TENM2: variants seen among roughly 807,000 people sequenced by gnomAD.
TENM2 encodes the protein teneurin transmembrane protein 2, also known as teneurin-2.
TENM2 carries 52 observed loss-of-function variants against 245.2 expected under a neutral mutation model. The ratio of observed to expected loss-of-function variants is 0.21; its 90% CI spans 0.17 to 0.27. TENM2 has a LOEUF of 0.27. Among genes scored for constraint, TENM2 ranks in the 10% least tolerant of loss-of-function variants. The pLI, the probability that TENM2 is intolerant of heterozygous loss-of-function variation, is 1.00. For synonymous variants in TENM2, 1,363 were observed against 1,438.9 expected (o/e 0.95, Z 1.19); for missense variants, 3,046 against 3,666.8 (o/e 0.83, Z 4.37).
Position 168,035,079 on chromosome 5 carries a change from CA to C in TENM2, c.1187-12340del, listed in dbSNP as rs568444668. On this transcript the variant is annotated intron_variant, in intron 5 of 28. Transcript: ENST00000518659. The stretch of plus-strand genomic sequence containing the variant: ...CAAACCAGATTTTGAAGACTTAGTG[CA>C]AAAAAAATCTTTTTACTGTCTCATT... Among the ~76,000 whole-genome samples, 10 of 151,644 alleles carry C rather than the reference CA, an allele frequency of 6.6e-5. No individual in the cohort carries two copies. In the East Asian group the frequency reaches 1.2e-3, roughly 18 times the overall value.
intron 1 of TENM2, among the ~76,000 whole-genome samples, chr5:167,320,792 G>A (rs1226582669): frequency 6.6e-6 from 1 of 152,106 alleles, no homozygotes; most frequent in Non-Finnish European, 1.5e-5. Context: ...ATAAATTTCT[G>A]CTCATTATAA....
chr5:167,152,497 C>T, the TENM2 span, among the ~76,000 whole-genome samples: 1 of 152,206 alleles, frequency 6.6e-6, no homozygotes, highest in Admixed American at 6.5e-5. Context: ...AATAGTTCTA[C>T]AATTTCTTAG....
intron 2 of TENM2, among the ~76,000 whole-genome samples, chr5:167,687,906 T>C (rs1757182284): frequency 6.6e-6 from 1 of 152,318 alleles, no homozygotes; most frequent in African/African-American, 2.4e-5. Context: ...ACTATCAACA[T>C]TGTGAGAAAT....
chr5:167,018,134 A>G, the TENM2 span, among the ~76,000 whole-genome samples: 1 of 152,220 alleles, frequency 6.6e-6, no homozygotes, highest in African/African-American at 2.4e-5. Flanking sequence ...AAGCCACTCA[A>G]TCACATTCAT....
chr5:167,962,001 A>T (rs6865920), intron 4 of TENM2, among the ~76,000 whole-genome samples: 22,609 of 152,192 alleles, frequency 0.15, 2,100 homozygotes, highest in East Asian at 0.32. Context: ...CCAGCTCCTG[A>T]TGCAATCAGT....
At chr5:167,463,233 C>T (rs1398871001) in intron 2 of TENM2, among the ~76,000 whole-genome samples, 1 of 152,000 alleles carries the variant, frequency 6.6e-6, no homozygotes, top group African/African-American at 2.4e-5. Flanking sequence ...CCAATATAAC[C>T]ATGTATGAAT....
chr5:167,057,135 T>G, the TENM2 span, among the ~76,000 whole-genome samples: 847 of 152,318 alleles, frequency 5.6e-3, 6 homozygotes, highest in African/African-American at 0.019. Context: ...GTTAATAGTA[T>G]TCTTTATTTC....
At chr5:168,173,012 A>G (rs768272478) in intron 13 of TENM2, among the ~76,000 whole-genome samples, 5 of 152,170 alleles carry the variant, frequency 3.3e-5, no homozygotes, top group Non-Finnish European at 5.9e-5. Context: ...CCCACTCACA[A>G]CCAAGACCAA....
intron 2 of TENM2, among the ~76,000 whole-genome samples, chr5:167,394,721 G>A (rs762224508): frequency 4.0e-5 from 6 of 151,864 alleles, no homozygotes; most frequent in Non-Finnish European, 5.9e-5. Flanking sequence ...TCAATCTCCC[G>A]AATAGCTGGA....
chr5:168,240,156 G>A (rs1457084120), intron 25 of TENM2, among the ~76,000 whole-genome samples: 1 of 152,208 alleles, frequency 6.6e-6, no homozygotes, highest in Admixed American at 6.5e-5. Flanking sequence ...GGGGGCAGAG[G>A]TTGCAGTGAG....
intron 9 of TENM2, among the ~76,000 whole-genome samples, chr5:168,104,678 G>A (rs922520671): frequency 2.9e-4 from 44 of 152,124 alleles, no homozygotes; most frequent in African/African-American, 8.7e-4. Context: ...TCTGCATCAG[G>A]CATCTGAAGA....
At chr5:167,713,798 T>C (rs1352281259) in intron 2 of TENM2, among the ~76,000 whole-genome samples, 6 of 152,224 alleles carry the variant, frequency 3.9e-5, no homozygotes, top group African/African-American at 1.2e-4. Flanking sequence ...TGATGCCCTT[T>C]TTCTCTTTAG....
In TENM2 at chr5:168,121,085, G is replaced by C. The variant is rs866681602; in HGVS notation, c.2008+2599G>C. On this transcript the variant is annotated intron_variant, in intron 10 of 28. Coordinates refer to ENST00000518659, the Ensembl canonical transcript of TENM2. ...CATAAATGTAATTCATGGTTCTTCAGGGGCTTATAGTACATATTGTTTGTA... is the reference window on the plus strand; with the variant it reads ...CATAAATGTAATTCATGGTTCTTCACGGGCTTATAGTACATATTGTTTGTA... 4.6e-5 allele frequency among the ~76,000 whole-genome samples: 7 copies of C among 152,262 alleles called. No homozygotes were observed. The South Asian group carries it at 1.5e-3, about 32-fold the overall frequency.
At chr5:167,915,185 T>C (rs914716347) in intron 3 of TENM2, among the ~76,000 whole-genome samples, 25 of 151,954 alleles carry the variant, frequency 1.6e-4, no homozygotes, top group African/African-American at 6.0e-4. Flanking sequence ...AGATAGTTTT[T>C]CCCCAACCTT....
chr5:167,360,238 TA>T (rs1229010414), intron 1 of TENM2, among the ~76,000 whole-genome samples: 10 of 152,280 alleles, frequency 6.6e-5, no homozygotes, highest in Non-Finnish European at 1.5e-4. Flanking sequence ...TGTATCGCCC[TA>T]AAAAAGGTGT....
At chr5:167,732,671 T>A (rs972457985) in intron 2 of TENM2, among the ~76,000 whole-genome samples, 5 of 152,182 alleles carry the variant, frequency 3.3e-5, no homozygotes, top group African/African-American at 1.2e-4. Flanking sequence ...TAGTGACACT[T>A]CACTTTATTG....
chr5:167,865,952 G>T (rs975708064), intron 2 of TENM2, among the ~76,000 whole-genome samples: 9 of 152,126 alleles, frequency 5.9e-5, no homozygotes, highest in African/African-American at 2.2e-4. Flanking sequence ...AACCAATCAT[G>T]GTGCTATTTA....
At chr5:167,361,320 A>G (rs1487833630) in intron 1 of TENM2, among the ~76,000 whole-genome samples, 3 of 152,060 alleles carry the variant, frequency 2.0e-5, no homozygotes, top group Non-Finnish European at 4.4e-5. Context: ...TTTTTTCCTA[A>G]TTGCATTCTT....
chr5:168,141,400 A>G (rs1435877036), intron 12 of TENM2, among the ~76,000 whole-genome samples: 1 of 152,218 alleles, frequency 6.6e-6, no homozygotes, highest in Non-Finnish European at 1.5e-5. Context: ...GCCATTTTAA[A>G]TGCATGTGTT....
Sources: gnomAD v4.1 joint callset for allele counts (sites outside exome capture counted in the v4.1 genomes callset) on GRCh38, gnomAD v4.1.1 for gene constraint, MANE v1.5 for transcripts, NCBI Gene and HGNC (gene_info 2026-07-23, HGNC 2026-07-21) for gene names.